TBCK: variants seen among roughly 807,000 people sequenced by gnomAD.
The protein encoded by TBCK is TBC1 domain containing kinase, also known as TBC domain-containing protein kinase-like protein.
A neutral mutation model predicts 113.4 loss-of-function variants in TBCK; 99 were observed. The observed-to-expected ratio is 0.87, with a 90% CI of 0.74 to 1.03. The LOEUF is 1.03. TBCK is among the 50% of genes least tolerant of loss of function. The pLI, the probability that TBCK is intolerant of heterozygous loss-of-function variation, is 0.00. For missense variants in TBCK, 1,045 were observed against 1,061.3 expected, an observed-to-expected ratio of 0.98 and a Z score of 0.21; for synonymous variants, 369 against 370.8, an observed-to-expected ratio of 1.00 and a Z score of 0.05.
chr4:106,303,855 T>C (rs1221304869), intron 2 of TBCK, among the ~76,000 whole-genome samples: 1 of 152,132 alleles, frequency 6.6e-6, no homozygotes, highest in African/African-American at 2.4e-5. Context: ...GAATAAGCAG[T>C]AAGGGTTTTC....
chr4:106,185,760 C>T (rs1752948957), intron 22 of TBCK, among the ~76,000 whole-genome samples: 1 of 151,954 alleles, frequency 6.6e-6, no homozygotes, highest in African/African-American at 2.4e-5. Flanking sequence ...TCAAGGAGTA[C>T]ATGTATGGGT....
intron 24 of TBCK, among the ~76,000 whole-genome samples, chr4:106,100,996 T>G (rs1741482837): frequency 6.6e-6 from 1 of 152,198 alleles, no homozygotes; most frequent in South Asian, 2.1e-4. Flanking sequence ...TAGGTGCCCA[T>G]CCTATATTTC....
In TBCK at chr4:106,140,495, C is replaced by T. The variant is rs1038338439; in HGVS notation, c.2236-24117G>A. Among the ~76,000 whole-genome samples the T allele has an allele frequency of 1.4e-5, 2 of 139,810 alleles. 1 individual carries two copies. Among genetic ancestry groups the T allele is most frequent in the South Asian group, 4.8e-4 (2 of 4,138 alleles). 91.7% of individuals were successfully genotyped at this position (139,810 alleles called of 152,430 possible). On this transcript the variant is annotated intron_variant, in intron 23 of 25. Coordinates refer to ENST00000394708, the MANE Select transcript of TBCK (RefSeq NM_001163435.3). ...AAACTACATATAATCAAGAATTAAC[C>T]AACAAATGACAAATGGGAATATAAA... is the stretch of plus-strand genomic sequence containing the variant.
In TBCK at chr4:106,236,785, T is replaced by C; in HGVS notation, c.1194A>G (p.Glu398=). ...CATCTTCAAGTAATGGGTAAAATGC[T>C]TCTCCACCAACATCTTTCAATCTCT... ...LRNRLKDVGG[E]AFYPLLEDDQ... Residue 398 remains glutamate, a synonymous_variant, in exon 13 of 26, where the codon GAA becomes GAG. Transcript: ENST00000394708. 1.3e-6 allele frequency: 2 copies of C among 1,521,474 alleles called. No individual in the cohort carries two copies. Among genetic ancestry groups the C allele is most frequent in the Non-Finnish European group, 1.8e-6 (2 of 1,134,396 alleles). 94.2% of individuals were successfully genotyped at this position (1,521,474 alleles called of 1,614,324 possible).
intron 6 of TBCK, chr4:106,251,130 A>T: frequency 2.5e-6 from 1 of 398,162 alleles, no homozygotes; most frequent in South Asian, 1.9e-5. Context: ...GGACTCTTCC[A>T]CCATCAAATA....
At chr4:106,297,657 T>C (rs954380697) in intron 2 of TBCK, 1 of 152,234 alleles carries the variant, frequency 6.6e-6, no homozygotes, top group African/African-American at 2.4e-5. Context: ...TATCTTAGTT[T>C]ACCAACTTCC....
intron 23 of TBCK, among the ~76,000 whole-genome samples, chr4:106,118,904 G>A (rs1578952036): frequency 6.6e-6 from 1 of 152,276 alleles, no homozygotes; most frequent in African/African-American, 2.4e-5. Context: ...AAATTTAAAT[G>A]TTCTAAACTT....
rs1353581786 is a variant in TBCK at position 106,137,819 on chromosome 4, A to G, written c.2236-21441T>C. Reference sequence around the variant, plus strand: ...TTTCAGTGATTAGAGACTTTATGCTAAAACGTTCACAGATGTACTCTGGAA... The same window carrying G: ...TTTCAGTGATTAGAGACTTTATGCTGAAACGTTCACAGATGTACTCTGGAA... On this transcript the variant is annotated intron_variant, in intron 23 of 25. Transcript: ENST00000394708. Among the ~76,000 whole-genome samples, 12 of 140,678 alleles carry G rather than the reference A, an allele frequency of 8.5e-5. 2 individuals carry two copies. Among genetic ancestry groups the G allele is most frequent in the Admixed American group, 2.8e-4 (4 of 14,286 alleles). The allele number at this position is 140,678 out of a possible 152,430, so 92.3% of individuals were successfully genotyped here. A position where few individuals can be genotyped will look rare whatever the true frequency, so the allele number is the denominator to read the frequency against.
intron 19 of TBCK, among the ~76,000 whole-genome samples, chr4:106,215,053 C>T (rs1756698642): frequency 6.7e-6 from 1 of 150,174 alleles, no homozygotes; most frequent in Non-Finnish European, 1.5e-5. Flanking sequence ...AGAGTGGGGG[C>T]CAATATTCAA....
At chr4:106,180,070 T>A (rs1752161975) in intron 22 of TBCK, among the ~76,000 whole-genome samples, 2 of 152,054 alleles carry the variant, frequency 1.3e-5, no homozygotes, top group Admixed American at 6.6e-5. Context: ...GCTCTCTCTA[T>A]AGTTTCTGAA....
intron 25 of TBCK, among the ~76,000 whole-genome samples, chr4:106,052,146 A>T (rs977860271): frequency 3.3e-5 from 5 of 151,810 alleles, no homozygotes; most frequent in Non-Finnish European, 7.4e-5. Context: ...TGGTTTTCAT[A>T]GTAATAATAT....
At chr4:106,075,151 A>AAAAC (rs1242008060) in intron 25 of TBCK, among the ~76,000 whole-genome samples, 142 of 152,346 alleles carry the variant, frequency 9.3e-4, no homozygotes, top group Non-Finnish European at 1.0e-4. Flanking sequence ...GTGGGAAGGA[A>AAAAC]AAACAATAGG....
chr4:106,299,122 C>A (rs1191194378), intron 2 of TBCK, among the ~76,000 whole-genome samples: 1 of 152,172 alleles, frequency 6.6e-6, no homozygotes, highest in African/African-American at 2.4e-5. Context: ...GAGCCTAGTG[C>A]ACACAGGTGT....
chr4:106,174,122 T>C (rs1751347444), intron 22 of TBCK, among the ~76,000 whole-genome samples: 1 of 152,128 alleles, frequency 6.6e-6, no homozygotes, highest in African/African-American at 2.4e-5. Context: ...TCTCTCACTT[T>C]AATGGCTATA....
intron 10 of TBCK, 149 bp downstream of exon 10, chr4:106,246,990 G>C: frequency 1.2e-6 from 1 of 815,302 alleles, no homozygotes; most frequent in South Asian, 2.0e-5. Context: ...CAGCCAGTCA[G>C]TTATATTTTA....
At chr4:106,075,816 G>A (rs1051200331) in intron 25 of TBCK, among the ~76,000 whole-genome samples, 9 of 152,288 alleles carry the variant, frequency 5.9e-5, no homozygotes, top group African/African-American at 1.9e-4. Context: ...AATGTTTTAT[G>A]AAAATAGAGC....
At chr4:106,115,010 CTT>C (rs1456611144) in intron 24 of TBCK, among the ~76,000 whole-genome samples, 5 of 152,244 alleles carry the variant, frequency 3.3e-5, no homozygotes, top group African/African-American at 1.2e-4. Flanking sequence ...AAAGTAGCAA[CTT>C]TTCACAAAAT....
rs1252701208 is a variant in TBCK at position 106,046,256 on chromosome 4, C to A, written c.*314G>T. The A allele has an allele frequency of 4.5e-6, 1 of 223,234 alleles. No homozygotes were observed. The highest frequency in any genetic ancestry group is 8.8e-6 in the Non-Finnish European group (1 of 113,416). The allele number at this position is 223,234 out of a possible 1,614,324, so 13.8% of individuals were successfully genotyped here. ...ACAATGGAGGACAGCTTTTTCAGGG[C>A]AAATGGGATTTCTTGATAATGCTAA... On this transcript the variant is annotated 3_prime_UTR_variant, in exon 26 of 26. Coordinates refer to ENST00000394708, the MANE Select transcript of TBCK (RefSeq NM_001163435.3).
At chr4:106,114,174 C>T (rs940665708) in intron 24 of TBCK, among the ~76,000 whole-genome samples, 1 of 152,120 alleles carries the variant, frequency 6.6e-6, no homozygotes, top group East Asian at 1.9e-4. Context: ...ATGCTAAAAA[C>T]AGAAAAGGGG....
Sources: allele counts gnomAD v4.1 joint callset (sites outside exome capture counted in the v4.1 genomes callset), GRCh38; gene constraint gnomAD v4.1.1; transcripts MANE v1.5; gene names NCBI Gene and HGNC (gene_info 2026-07-23, HGNC 2026-07-21).